Variants in GAD1 observed in about 807,000 individuals in gnomAD.
GAD1 encodes 67 kDa glutamic acid decarboxylase.
GAD1 carries 35 observed loss-of-function variants against 75.2 expected under a neutral mutation model. That is an observed-to-expected ratio of 0.47 (90% CI 0.36 to 0.62). The LOEUF (loss-of-function observed/expected upper bound fraction) is 0.62. Ranked by LOEUF, GAD1 falls within the 20% of genes least tolerant of loss-of-function variation. The pLI is 0.00. For missense variants in GAD1, 490 were observed against 758.5 expected, an observed-to-expected ratio of 0.65 and a Z score of 4.16; for synonymous variants, 257 against 271.9, an observed-to-expected ratio of 0.95 and a Z score of 0.54.
chr2:170,845,913 T>C (rs888889205), intron 9 of GAD1, 96 bp from the exon 10 acceptor site: 3 of 1,462,326 alleles, frequency 2.1e-6, no homozygotes, highest in Non-Finnish European at 1.9e-6. Context: ...GTTGAAAATA[T>C]CCGATTAAAT....
chr2:170,859,433 T>G (rs891384253), intron 16 of GAD1, among the ~76,000 whole-genome samples: 1 of 152,190 alleles, frequency 6.6e-6, no homozygotes, highest in Admixed American at 6.5e-5. Context: ...ATTTGTGGTG[T>G]TGTCTATAAG....
intron 11 of GAD1, chr2:170,848,729 C>T (rs1390155007): frequency 1.9e-6 from 1 of 518,638 alleles, no homozygotes; most frequent in African/African-American, 1.9e-5. Flanking sequence ...TGCCTTGCTA[C>T]TGAACTAATG....
chr2:170,858,732 C>T, intron 15 of GAD1, 72 bp from the exon 16 acceptor site: 2 of 1,301,112 alleles, frequency 1.5e-6, no homozygotes, highest in East Asian at 2.3e-5. Flanking sequence ...ACCAAGGATG[C>T]ATATTGGTTT....
intron 12 of GAD1, among the ~76,000 whole-genome samples, chr2:170,849,740 A>T (rs1702710782): frequency 6.6e-6 from 1 of 152,206 alleles, no homozygotes; most frequent in Admixed American, 6.5e-5. Context: ...AGTAGTTAGA[A>T]CACAATGTGA....
Position 170,844,080 on chromosome 2 carries a change from T to C in GAD1, c.674T>C (p.Met225Thr). ...TYEIAPVFVL[M>T]EQITLKKMRE... is the part of the protein sequence containing the mutation. Reference sequence around the variant, plus strand: ...GAAATTGCACCAGTGTTTGTCCTCATGGAACAAATAACACTTAAGAAGATG... The same window carrying C: ...GAAATTGCACCAGTGTTTGTCCTCACGGAACAAATAACACTTAAGAAGATG... The change falls in exon 7 of 17, where the codon ATG (methionine) becomes ACG (threonine). Residue 225 changes from methionine (M) to threonine (T), a missense_variant. Coordinates refer to ENST00000358196, the MANE Select transcript of GAD1 (RefSeq NM_000817.3). The C allele has an allele frequency of 6.2e-7, 1 of 1,609,166 alleles. No homozygotes were observed. Among genetic ancestry groups the C allele is most frequent in the East Asian group, 2.2e-5 (1 of 44,810 alleles).
chr2:170,849,885 T>G (rs1702712909), intron 12 of GAD1, among the ~76,000 whole-genome samples: 1 of 152,252 alleles, frequency 6.6e-6, no homozygotes, highest in African/African-American at 2.4e-5. Flanking sequence ...TTCTTCCTCA[T>G]TAAGCTTACT....
chr2:170,829,903 CTCAGAG>C (rs1702175878), intron 4 of GAD1: 1 of 459,252 alleles, frequency 2.2e-6, no homozygotes, highest in Non-Finnish European at 4.0e-6. Context: ...TTCATAGACT[CTCAGAG>C]TCAAAGGAAC....
intron 7 of GAD1, among the ~76,000 whole-genome samples, chr2:170,844,413 T>C (rs945206405): frequency 2.1e-4 from 31 of 147,958 alleles, no homozygotes; most frequent in African/African-American, 5.9e-4. Flanking sequence ...TTTTCTTTTT[T>C]TTTTTTTTTT....
At chr2:170,845,984 T>G (rs372209671) in intron 9 of GAD1, 25 bp from the exon 10 acceptor site, 1 of 1,607,252 alleles carries the variant, frequency 6.2e-7, no homozygotes, top group Non-Finnish European at 8.5e-7. Flanking sequence ...TCATTTTAAT[T>G]TCCCTCCTTT....
In GAD1 at chr2:170,818,525, G is replaced by A; in HGVS notation, c.-63-4G>A. 1.4e-6 allele frequency: 2 copies of A among 1,441,134 alleles called. No individual in the cohort carries two copies. Among genetic ancestry groups the A allele is most frequent in the Middle Eastern group, 1.8e-4 (1 of 5,510 alleles). The allele number at this position is 1,441,134 out of a possible 1,614,324, so 89.3% of individuals were successfully genotyped here. A position where few individuals can be genotyped will look rare whatever the true frequency, so the allele number is the denominator to read the frequency against. ...CCCCGCACAGCTCTCGCTTCTCTTT[G>A]CAGCCTGTTTCTGCGCCGGACCAGT... is the stretch of plus-strand genomic sequence containing the variant. On this transcript the variant is annotated splice_region_variant and splice_polypyrimidine_tract_variant and intron_variant, in intron 1 of 16. Coordinates refer to ENST00000358196, the MANE Select transcript of GAD1 (RefSeq NM_000817.3). The surrounding 1 kb of genome is among the most constrained non-coding windows in gnomAD (Gnocchi z 5.9).
intron 3 of GAD1, among the ~76,000 whole-genome samples, chr2:170,823,840 C>A (rs1701956713): frequency 6.6e-6 from 1 of 152,188 alleles, no homozygotes; most frequent in Non-Finnish European, 1.5e-5. Flanking sequence ...CGGCTCCTTA[C>A]CAGCGGCGCC....
At chr2:170,824,218 A>G (rs779514053) in intron 3 of GAD1, among the ~76,000 whole-genome samples, 9 of 152,206 alleles carry the variant, frequency 5.9e-5, no homozygotes, top group African/African-American at 2.4e-5. Context: ...TTTTGGGGCC[A>G]CAGGTTAGGA....
intron 6 of GAD1, 56 bp from the exon 7 acceptor site, chr2:170,843,989 A>AACAC: frequency 1.0e-6 from 1 of 970,350 alleles, no homozygotes; most frequent in Non-Finnish European, 1.7e-6. Flanking sequence ...GTGTTCCTAA[A>AACAC]ATAAGTGGTT....
At position 170,818,920 on chromosome 2, in the gene GAD1, C is replaced by T. The variant is rs1701788814; in HGVS notation, c.82+247C>T. Among the ~76,000 whole-genome samples, 1 of 152,196 alleles carries T rather than the reference C, an allele frequency of 6.6e-6. No homozygotes were observed. Among genetic ancestry groups the T allele is most frequent in the Admixed American group, 6.5e-5 (1 of 15,292 alleles). On this transcript the variant is annotated intron_variant, in intron 2 of 16. Coordinates refer to ENST00000358196, the MANE Select transcript of GAD1 (RefSeq NM_000817.3). The surrounding 1 kb of genome is among the most constrained non-coding windows in gnomAD (Gnocchi z 5.9). ...GCAGCGGCGATCGTTGAGGGCTTCG[C>T]GGAGGAGGAGGGGCGCGCAGCCAGG...
intron 5 of GAD1, 66 bp from the exon 6 acceptor site, chr2:170,836,727 C>A: frequency 9.2e-7 from 1 of 1,087,518 alleles, no homozygotes; most frequent in Non-Finnish European, 1.4e-6. Context: ...GTGGGGCAGG[C>A]CGTTTGCCTT....
chr2:170,845,320 C>T (rs2105799147), intron 7 of GAD1, 186 bp from the exon 8 acceptor site: 1 of 663,294 alleles, frequency 1.5e-6, no homozygotes, highest in East Asian at 2.7e-5. Context: ...AGTGTGACTA[C>T]TTGTATTCCC....
chr2:170,839,409 T>C (rs1165418156), intron 6 of GAD1, among the ~76,000 whole-genome samples: 1 of 151,670 alleles, frequency 6.6e-6, no homozygotes, highest in African/African-American at 2.4e-5. Flanking sequence ...AAAATGGGAG[T>C]TCGAGGCCAG....
At chr2:170,848,496 C>T (rs1485425294) in intron 11 of GAD1, among the ~76,000 whole-genome samples, 7 of 64,088 alleles carry the variant, frequency 1.1e-4, no homozygotes, top group African/African-American at 3.9e-4. Context: ...AACTCTGTCT[C>T]AAAAAAAAAA....
chr2:170,856,035 T>C (rs1012716962), intron 14 of GAD1, among the ~76,000 whole-genome samples: 8 of 152,220 alleles, frequency 5.3e-5, no homozygotes, highest in Non-Finnish European at 4.4e-5. Flanking sequence ...TTGACCATAG[T>C]GATTGGTTGC....
Sources: gnomAD v4.1 joint callset for allele counts (sites outside exome capture counted in the v4.1 genomes callset) on GRCh38, gnomAD v4.1.1 for gene constraint, Gnocchi (gnomAD v3.1) non-coding constraint, MANE v1.5 for transcripts, NCBI Gene and HGNC (gene_info 2026-07-23, HGNC 2026-07-21) for gene names.